LPP: variants seen among roughly 807,000 people sequenced by gnomAD.
LPP encodes the protein LIM domain containing preferred translocation partner in lipoma.
Under a neutral mutation model 60.4 loss-of-function variants are expected in LPP, and 38 were observed. The ratio of observed to expected loss-of-function variants is 0.63; its 90% CI spans 0.49 to 0.83. LPP has a LOEUF of 0.83. LPP is among the 40% of genes least tolerant of loss of function. The pLI is 0.00. For missense variants in LPP, 902 were observed against 783.6 expected, an observed-to-expected ratio of 1.15 and a Z score of -1.80; for synonymous variants, 328 against 290.8, an observed-to-expected ratio of 1.13 and a Z score of -1.30.
At chr3:188,423,261 C>A (rs936322428) in intron 4 of LPP, among the ~76,000 whole-genome samples, 2 of 152,052 alleles carry the variant, frequency 1.3e-5, no homozygotes, top group Non-Finnish European at 2.9e-5. Context: ...CATCCATGTC[C>A]CTGCAAAGGA....
intron 7 of LPP, among the ~76,000 whole-genome samples, chr3:188,662,979 A>G (rs1183962425): frequency 6.6e-6 from 1 of 152,262 alleles, no homozygotes; most frequent in Non-Finnish European, 1.5e-5. Flanking sequence ...TTGCAAGAAT[A>G]GTATGTTATC....
intron 9 of LPP, among the ~76,000 whole-genome samples, chr3:188,844,112 T>G (rs1189679298): frequency 6.6e-6 from 1 of 152,226 alleles, no homozygotes; most frequent in Non-Finnish European, 1.5e-5. Flanking sequence ...TTAATCATAC[T>G]TCAAAACTGC....
At chr3:188,794,611 G>A (rs1744780927) in intron 9 of LPP, among the ~76,000 whole-genome samples, 1 of 152,134 alleles carries the variant, frequency 6.6e-6, no homozygotes, top group South Asian at 2.1e-4. Flanking sequence ...GGAGATTTGA[G>A]ATTCAGCACA....
chr3:188,737,109 CCCT>C (rs1310819129), intron 8 of LPP, among the ~76,000 whole-genome samples: 1 of 142,670 alleles, frequency 7.0e-6, no homozygotes, highest in Non-Finnish European at 1.6e-5. Context: ...TTATTTTCCC[CCCT>C]AATTTTCCTT....
intron 5 of LPP, among the ~76,000 whole-genome samples, chr3:188,491,341 TG>T (rs1158188630): frequency 6.6e-6 from 1 of 152,178 alleles, no homozygotes; most frequent in African/African-American, 2.4e-5. Context: ...TAGTGGACAG[TG>T]TTGCCAGGGC....
chr3:188,705,599 A>G (rs1018925348), intron 7 of LPP, among the ~76,000 whole-genome samples: 11 of 151,810 alleles, frequency 7.2e-5, no homozygotes, highest in African/African-American at 1.9e-4. Context: ...TGCTATATAT[A>G]TATATAATTT....
intron 9 of LPP, among the ~76,000 whole-genome samples, chr3:188,772,268 C>T (rs1483110165): frequency 1.3e-5 from 2 of 152,142 alleles, no homozygotes; most frequent in Non-Finnish European, 2.9e-5. Context: ...TGGTTGCCTA[C>T]CTTCTGCCTT....
At chr3:188,761,250 A>G (rs1732234927) in intron 9 of LPP, among the ~76,000 whole-genome samples, 1 of 152,318 alleles carries the variant, frequency 6.6e-6, no homozygotes, top group Non-Finnish European at 1.5e-5. Context: ...TTGGCTTTAC[A>G]AGGTTCACAT....
chr3:188,680,907 T>C (rs1279468913), intron 7 of LPP, among the ~76,000 whole-genome samples: 2 of 152,048 alleles, frequency 1.3e-5, no homozygotes, highest in African/African-American at 4.8e-5. Flanking sequence ...GAAGACTTTC[T>C]GGTACAGAGT....
At chr3:188,306,752 T>C (rs1751666602) in intron 2 of LPP, among the ~76,000 whole-genome samples, 1 of 152,196 alleles carries the variant, frequency 6.6e-6, no homozygotes, top group Non-Finnish European at 1.5e-5. Flanking sequence ...TAGCTAATTA[T>C]TGCCACGTGG....
At chr3:188,373,042 A>ATT (rs55786764) in intron 3 of LPP, among the ~76,000 whole-genome samples, 3 of 151,674 alleles carry the variant, frequency 2.0e-5, no homozygotes, top group Non-Finnish European at 2.9e-5. Context: ...TGAACTCATC[A>ATT]TTTTTATGGC....
intron 6 of LPP, among the ~76,000 whole-genome samples, chr3:188,607,418 A>G (rs867723150): frequency 2.6e-5 from 1 of 38,498 alleles, no homozygotes; most frequent in African/African-American, 6.9e-5. Context: ...TATATATATA[A>G]TTTTTTTTTC....
intron 2 of LPP, among the ~76,000 whole-genome samples, chr3:188,255,579 T>A (rs1367160353): frequency 6.6e-6 from 1 of 152,214 alleles, no homozygotes; most frequent in East Asian, 1.9e-4. Flanking sequence ...TATACACAGT[T>A]GTTTCCAGTG....
At position 188,811,580 on chromosome 3, in the gene LPP, A is replaced by G. The variant is rs1297148111; in HGVS notation, c.1410+51298A>G. ...TTGTTTTATAGCAATTACTGGGGAT[A>G]TCCAGGTCTTTTGCACTGGAAGAAA... On this transcript the variant is annotated intron_variant, in intron 9 of 11. Coordinates refer to ENST00000617246, the MANE Select transcript of LPP (RefSeq NM_001375462.1). Among the ~76,000 whole-genome samples, 4 of 152,254 alleles carry G rather than the reference A, an allele frequency of 2.6e-5. No homozygotes were observed. The East Asian group carries it at 7.7e-4, about 29-fold the overall frequency.
At chr3:188,491,616 T>A (rs1322894355) in intron 5 of LPP, among the ~76,000 whole-genome samples, 1 of 152,182 alleles carries the variant, frequency 6.6e-6, no homozygotes, top group Admixed American at 6.5e-5. Context: ...AATTATCTCC[T>A]ATTTTTATGG....
At chr3:188,607,116 GACAC>G (rs34057522) in intron 6 of LPP, among the ~76,000 whole-genome samples, 18,870 of 129,362 alleles carry the variant, frequency 0.15, 1,654 homozygotes, top group East Asian at 0.41. Context: ...TCTTGGTGAA[GACAC>G]ACACACACAC....
rs561224989 is a variant in LPP at position 188,888,349 on chromosome 3, C to T, written c.*13870C>T. 1.3e-4 allele frequency: 30 copies of T among 228,072 alleles called. No individual in the cohort carries two copies. Among genetic ancestry groups the T allele is most frequent in the Non-Finnish European group, 2.1e-4 (24 of 114,662 alleles). The allele number at this position is 228,072 out of a possible 1,614,324, so 14.1% of individuals were successfully genotyped here. On this transcript the variant is annotated 3_prime_UTR_variant, in exon 12 of 12. Transcript: ENST00000617246. ...GAGGATAGTAATTTTCCCTGAGCCA[C>T]GCACACAGGCTTTTATTTCATGCCT...
intron 6 of LPP, among the ~76,000 whole-genome samples, chr3:188,592,557 G>GTTTTTTTGTTTTTTTTTTTTT (rs1553936333): frequency 1.2e-5 from 1 of 85,752 alleles, no homozygotes; most frequent in African/African-American, 4.5e-5. Context: ...TTTTGTTTTT[G>GTTTTTTTGTTTTTTTTTTTTT]TTTTTTAAAT....
At chr3:188,447,781 A>G (rs1374825157) in intron 4 of LPP, among the ~76,000 whole-genome samples, 3 of 149,096 alleles carry the variant, frequency 2.0e-5, no homozygotes, top group Non-Finnish European at 4.5e-5. Context: ...ATCTTAGAAG[A>G]AAAAAAAAAG....
Sources: allele counts gnomAD v4.1 joint callset (sites outside exome capture counted in the v4.1 genomes callset), GRCh38; gene constraint gnomAD v4.1.1; transcripts MANE v1.5; gene names NCBI Gene and HGNC (gene_info 2026-07-23, HGNC 2026-07-21).